Variants in FRMPD2 observed in about 807,000 individuals in gnomAD.
FRMPD2 encodes FERM and PDZ domain-containing protein 2.
A neutral mutation model predicts 140.1 loss-of-function variants in FRMPD2; 96 were observed. The ratio of observed to expected loss-of-function variants is 0.69; its 90% confidence interval spans 0.58 to 0.81. The LOEUF is 0.81. FRMPD2 is among the 40% of genes least tolerant of loss of function. The pLI is 0.00. For synonymous variants in FRMPD2, 449 were observed against 547.6 expected, an observed-to-expected ratio of 0.82 and a Z score of 2.52; for missense variants, 1,240 against 1,447.4, an observed-to-expected ratio of 0.86 and a Z score of 2.32.
chr10:48,243,432 C>T (rs1840173139), intron 4 of FRMPD2, among the ~76,000 whole-genome samples: 1 of 152,176 alleles, frequency 6.6e-6, no homozygotes, highest in Non-Finnish European at 1.5e-5. Context: ...ATGAGCAGGA[C>T]AGGGGCCTGG....
chr10:48,274,650 C>T lies in FRMPD2; in HGVS notation c.-83G>A, dbSNP rs368909974. The T allele has an allele frequency of 3.2e-4, 427 of 1,316,596 alleles. No homozygotes were observed. The highest frequency in any genetic ancestry group is 4.3e-4 in the Non-Finnish European group (394 of 917,204). 81.6% of individuals were successfully genotyped at this position (1,316,596 alleles called of 1,614,324 possible). A position where few individuals can be genotyped will look rare whatever the true frequency, so the allele number is the denominator to read the frequency against. On this transcript the variant is annotated 5_prime_UTR_variant, in exon 1 of 29. Coordinates refer to ENST00000374201, the MANE Select transcript of FRMPD2 (RefSeq NM_001018071.4). ...AGCAGGGGTCTCTTGCAAGTCTGTCCGCGGAGCTCCCTGCCACCAGCACTG... is the reference window on the plus strand; with the variant it reads ...AGCAGGGGTCTCTTGCAAGTCTGTCTGCGGAGCTCCCTGCCACCAGCACTG...
chr10:48,250,350 C>T (rs901678717), intron 2 of FRMPD2, among the ~76,000 whole-genome samples: 2 of 152,234 alleles, frequency 1.3e-5, no homozygotes, highest in Non-Finnish European at 2.9e-5. Context: ...AAGTTTATCC[C>T]TCACTGGGTA....
At chr10:48,225,538 A>G (rs1839702204) in intron 10 of FRMPD2, among the ~76,000 whole-genome samples, 1 of 152,204 alleles carries the variant, frequency 6.6e-6, no homozygotes, top group South Asian at 2.1e-4. Flanking sequence ...ACTCACATGT[A>G]CTTCTCTCTT....
intron 5 of FRMPD2, 83 bp from the exon 6 acceptor site, chr10:48,240,575 C>A: frequency 6.4e-7 from 1 of 1,566,984 alleles, no homozygotes; most frequent in South Asian, 1.1e-5. Flanking sequence ...GGCTGTCAGA[C>A]TGAATCAATG....
rs377026038 is a variant in FRMPD2, at chr10:48,232,322, A to G, written c.994-33T>C. ...CAACAACAGTATCAATTATACTACA[A>G]TTATAAGTCATTGAGCCTTTAGTGT... On this transcript the variant is annotated intron_variant, in intron 9 of 28. Transcript: ENST00000374201. 14 of 1,500,676 alleles carry G rather than the reference A, an allele frequency of 9.3e-6. No homozygotes were observed. In the Admixed American group the frequency reaches 1.3e-4, roughly 14 times the overall value. 93.0% of individuals were successfully genotyped at this position (1,500,676 alleles called of 1,614,324 possible). A position where few individuals can be genotyped will look rare whatever the true frequency, so the allele number is the denominator to read the frequency against.
chr10:48,267,037 C>A (rs991405418), intron 1 of FRMPD2, among the ~76,000 whole-genome samples: 1 of 152,124 alleles, frequency 6.6e-6, no homozygotes, highest in African/African-American at 2.4e-5. Context: ...CATTTTTACC[C>A]GGAAGTAATG....
At chr10:48,216,740 T>C (rs1420133738) in intron 12 of FRMPD2, among the ~76,000 whole-genome samples, 1 of 152,192 alleles carries the variant, frequency 6.6e-6, no homozygotes, top group Non-Finnish European at 1.5e-5. Flanking sequence ...ATTTTCCATT[T>C]TGCAGATGAA....
intron 1 of FRMPD2, among the ~76,000 whole-genome samples, chr10:48,254,991 G>A (rs1478665809): frequency 3.9e-5 from 6 of 152,210 alleles, no homozygotes; most frequent in Non-Finnish European, 8.8e-5. Flanking sequence ...GCACTGAAAA[G>A]GGGATCATTA....
Position 48,206,797 on chromosome 10 carries a change from A to G in FRMPD2, c.1748T>C (p.Ile583Thr). ...IVYEVKNNSRIAMLRFQWRET... is the reference protein window; with the variant it reads ...IVYEVKNNSRTAMLRFQWRET... ...TCTCCACTGAAACCGTAACATTGCA[A>G]TTCTGCTGTTGTTTTTCACTTCATA... Residue 583 changes from isoleucine (I) to threonine (T), a missense_variant, in exon 14 of 29, where the codon ATT becomes ACT. Transcript: ENST00000374201. 6.2e-7 allele frequency: 1 copy of G among 1,614,084 alleles called. No individual in the cohort carries two copies. Among genetic ancestry groups the G allele is most frequent in the Non-Finnish European group, 8.5e-7 (1 of 1,179,958 alleles).
intron 28 of FRMPD2, among the ~76,000 whole-genome samples, chr10:48,159,697 C>A (rs1554790599): frequency 6.6e-6 from 1 of 151,596 alleles, no homozygotes; most frequent in African/African-American, 2.4e-5. Context: ...AAATAAATGA[C>A]CATCAAGATT....
At chr10:48,233,682 C>T (rs1183729135) in intron 9 of FRMPD2, among the ~76,000 whole-genome samples, 1 of 152,094 alleles carries the variant, frequency 6.6e-6, no homozygotes, top group African/African-American at 2.4e-5. Context: ...GTATACAAAG[C>T]TTTGACTTTC....
At position 48,274,660 on chromosome 10, in the gene FRMPD2, C is replaced by T. The variant is rs1049317559; in HGVS notation, c.-93G>A. 39 of 1,190,996 alleles carry T rather than the reference C, an allele frequency of 3.3e-5. No individual in the cohort carries two copies. In the East Asian group the frequency reaches 7.5e-4, roughly 23 times the overall value. The allele number at this position is 1,190,996 out of a possible 1,614,324, so 73.8% of individuals were successfully genotyped here. Reference sequence around the variant, plus strand: ...TCTTGCAAGTCTGTCCGCGGAGCTCCCTGCCACCAGCACTGTTGCCGCTGT... The same window carrying T: ...TCTTGCAAGTCTGTCCGCGGAGCTCTCTGCCACCAGCACTGTTGCCGCTGT... On this transcript the variant is annotated 5_prime_UTR_variant, in exon 1 of 29. Coordinates refer to ENST00000374201, the MANE Select transcript of FRMPD2 (RefSeq NM_001018071.4).
chr10:48,236,618 C>T, intron 8 of FRMPD2, 65 bp from the exon 9 acceptor site: 3 of 1,432,178 alleles, frequency 2.1e-6, no homozygotes, highest in Non-Finnish European at 3.0e-6. Flanking sequence ...TCTGGGCTTC[C>T]CCCATGATGC....
intron 16 of FRMPD2, among the ~76,000 whole-genome samples, chr10:48,190,334 A>G (rs1344562216): frequency 6.6e-6 from 1 of 152,088 alleles, no homozygotes; most frequent in African/African-American, 2.4e-5. Context: ...ACCCAAAAGC[A>G]TGGGAGAGTC....
At chr10:48,239,793 G>A in intron 6 of FRMPD2, 101 bp from the exon 7 acceptor site, 1 of 783,794 alleles carries the variant, frequency 1.3e-6, no homozygotes, top group African/African-American at 1.7e-5. Context: ...CTTACTAGCT[G>A]TGTGACCTTG....
intron 1 of FRMPD2, among the ~76,000 whole-genome samples, chr10:48,268,235 T>A (rs1307966595): frequency 1.3e-5 from 2 of 152,152 alleles, no homozygotes; most frequent in Non-Finnish European, 2.9e-5. Flanking sequence ...CAATACCAAA[T>A]GCTTATGAGG....
intron 8 of FRMPD2, 60 bp downstream of exon 8, chr10:48,237,931 C>T: frequency 6.2e-6 from 10 of 1,602,558 alleles, no homozygotes; most frequent in Non-Finnish European, 8.5e-6. Context: ...CCGTGCCAGC[C>T]ACCCACAGCT....
At chr10:48,194,879 G>A (rs1245233581) in intron 15 of FRMPD2, among the ~76,000 whole-genome samples, 1 of 152,126 alleles carries the variant, frequency 6.6e-6, no homozygotes, top group South Asian at 2.1e-4. Flanking sequence ...TTGGAAGGTG[G>A]TAGAGCCAAA....
Position 48,241,744 on chromosome 10 carries a change from C to T in FRMPD2, c.567+417G>A, listed in dbSNP as rs574852591. Among the ~76,000 whole-genome samples the T allele has an allele frequency of 2.0e-5, 3 of 152,320 alleles. No homozygotes were observed. The East Asian group carries it at 5.8e-4, about 29-fold the overall frequency. On this transcript the variant is annotated intron_variant, in intron 5 of 28. Transcript: ENST00000374201. ...AGGACACCCCACAGGTATAAAATAG[C>T]AGAGGGGAGGGTACCCAGGGACCAC...
Sources: allele counts gnomAD v4.1 joint callset (sites outside exome capture counted in the v4.1 genomes callset), GRCh38; gene constraint gnomAD v4.1.1; transcripts MANE v1.5; gene names NCBI Gene and HGNC (gene_info 2026-07-23, HGNC 2026-07-21).